Variants in RIMS1 observed in about 807,000 individuals in gnomAD.
RIMS1 encodes regulating synaptic membrane exocytosis 1, also known as regulating synaptic membrane exocytosis protein 1.
In RIMS1, 83 loss-of-function variants were observed where a neutral mutation model predicts 214.1. The observed-to-expected ratio is 0.39, with a 90% confidence interval of 0.32 to 0.47. The LOEUF is 0.47. RIMS1 is among the 20% of genes least tolerant of loss of function. The probability of loss-of-function intolerance (pLI) is 0.99; values close to 1 mark genes in which losing one functional copy is unlikely to be tolerated. For synonymous variants in RIMS1, 793 were observed against 786.8 expected, an observed-to-expected ratio of 1.01 and a Z score of -0.13; for missense variants, 2,050 against 2,161.8, an observed-to-expected ratio of 0.95 and a Z score of 1.03.
At position 72,237,019 on chromosome 6, in the gene RIMS1, C is replaced by T. The variant is rs145465820; in HGVS notation, c.1858-804C>T. Among the ~76,000 whole-genome samples, 17 of 151,926 alleles carry T rather than the reference C, an allele frequency of 1.1e-4. No homozygotes were observed. The East Asian group carries it at 2.1e-3, about 19-fold the overall frequency. On this transcript the variant is annotated intron_variant, in intron 8 of 33. Transcript: ENST00000521978. Reference sequence around the variant, plus strand: ...TTAGGAACCAGCCTGGTCAACATAGCGAGACCCCTTCTCTACAAAATTAAA... The same window carrying T: ...TTAGGAACCAGCCTGGTCAACATAGTGAGACCCCTTCTCTACAAAATTAAA...
At chr6:72,062,903 C>T (rs1828266003) in intron 2 of RIMS1, among the ~76,000 whole-genome samples, 1 of 152,046 alleles carries the variant, frequency 6.6e-6, no homozygotes, top group South Asian at 2.1e-4. Context: ...GCCAAATTTC[C>T]CCTTTTCATA....
At chr6:72,123,741 T>G (rs1262228356) in intron 4 of RIMS1, among the ~76,000 whole-genome samples, 1 of 151,848 alleles carries the variant, frequency 6.6e-6, no homozygotes, top group East Asian at 1.9e-4. Context: ...CTTCTTTGTC[T>G]CTTTTGATCT....
intron 2 of RIMS1, among the ~76,000 whole-genome samples, chr6:72,015,129 A>G (rs1812260690): frequency 6.6e-6 from 1 of 152,172 alleles, no homozygotes; most frequent in East Asian, 1.9e-4. Flanking sequence ...GAAATTATTT[A>G]TATTTCATAT....
intron 2 of RIMS1, among the ~76,000 whole-genome samples, chr6:72,056,638 G>C (rs565738961): frequency 9.2e-5 from 14 of 152,208 alleles, no homozygotes; most frequent in South Asian, 6.2e-4. Flanking sequence ...CCAGCCCTAT[G>C]AGTGCTGCAT....
chr6:72,389,168 G>A (rs1018300322), intron 29 of RIMS1, among the ~76,000 whole-genome samples: 1 of 152,148 alleles, frequency 6.6e-6, no homozygotes, highest in East Asian at 1.9e-4. Context: ...CAATGTCAAA[G>A]AAGGAAAAAC....
chr6:72,390,485 G>T, intron 29 of RIMS1, 113 bp from the exon 30 acceptor site: 1 of 1,220,456 alleles, frequency 8.2e-7, no homozygotes, highest in Non-Finnish European at 1.1e-6. Flanking sequence ...CTATTTTTCT[G>T]ATTAAATTTG....
chr6:71,977,103 A>C (rs1346995604), intron 2 of RIMS1, among the ~76,000 whole-genome samples: 1 of 152,166 alleles, frequency 6.6e-6, no homozygotes, highest in Non-Finnish European at 1.5e-5. Flanking sequence ...TGGATAATCC[A>C]CTTGTAGACT....
intron 28 of RIMS1, among the ~76,000 whole-genome samples, chr6:72,324,438 C>T (rs2096353157): frequency 6.6e-6 from 1 of 151,734 alleles, no homozygotes; most frequent in African/African-American, 2.4e-5. Flanking sequence ...GAATGCACAA[C>T]TCAGATGCTA....
intron 6 of RIMS1, among the ~76,000 whole-genome samples, chr6:72,227,984 A>T (rs1320486504): frequency 6.6e-6 from 1 of 151,904 alleles, no homozygotes; most frequent in Non-Finnish European, 1.5e-5. Flanking sequence ...TTTAAAAACC[A>T]CTTCACTGAG....
chr6:71,975,836 A>ATATC (rs1476252659), intron 2 of RIMS1, among the ~76,000 whole-genome samples: 6 of 151,756 alleles, frequency 4.0e-5, no homozygotes, highest in African/African-American at 1.4e-4. Flanking sequence ...GTGTCTGTTT[A>ATATC]TATCTGGCTT....
At chr6:72,372,563 A>G (rs1195388253) in intron 29 of RIMS1, among the ~76,000 whole-genome samples, 1 of 152,216 alleles carries the variant, frequency 6.6e-6, no homozygotes, top group African/African-American at 2.4e-5. Context: ...AGCCAAAATC[A>G]ATTTACCAAG....
At position 72,069,826 on chromosome 6, in the gene RIMS1, A is replaced by G. The variant is rs116935651; in HGVS notation, c.246-27123A>G. On this transcript the variant is annotated intron_variant, in intron 2 of 33. Transcript: ENST00000521978. ...CACTACAGCAGTCAAGACCACTCCTATCCATGCAAGCATTCTTGGTTTTGT... is the reference window on the plus strand; with the variant it reads ...CACTACAGCAGTCAAGACCACTCCTGTCCATGCAAGCATTCTTGGTTTTGT... 2.2e-4 allele frequency among the ~76,000 whole-genome samples: 34 copies of G among 152,284 alleles called. 1 individual carries two copies. In the East Asian group the frequency reaches 6.6e-3, roughly 29 times the overall value.
At chr6:71,908,672 C>T (rs1222893836) in intron 1 of RIMS1, among the ~76,000 whole-genome samples, 3 of 152,170 alleles carry the variant, frequency 2.0e-5, no homozygotes, top group Non-Finnish European at 2.9e-5. Flanking sequence ...GAGGATGCTG[C>T]GTTGGCAGCA....
chr6:72,297,466 G>A (rs890967675), intron 26 of RIMS1, among the ~76,000 whole-genome samples: 4 of 151,952 alleles, frequency 2.6e-5, no homozygotes, highest in Admixed American at 1.3e-4. Context: ...CTAGGCAAAA[G>A]CTGTACCTAG....
chr6:72,084,648 C>G (rs1393525223), intron 2 of RIMS1, among the ~76,000 whole-genome samples: 1 of 152,146 alleles, frequency 6.6e-6, no homozygotes, highest in African/African-American at 2.4e-5. Flanking sequence ...AGTGGGCCTC[C>G]ATGTCCTCAG....
intron 4 of RIMS1, among the ~76,000 whole-genome samples, chr6:72,176,947 T>C (rs905329040): frequency 6.6e-6 from 1 of 152,190 alleles, no homozygotes; most frequent in African/African-American, 2.4e-5. Context: ...TACTCAAAAT[T>C]TGGAACATGC....
intron 22 of RIMS1, among the ~76,000 whole-genome samples, chr6:72,268,920 C>A (rs2154181361): frequency 6.6e-6 from 1 of 152,226 alleles, no homozygotes; most frequent in South Asian, 2.1e-4. Flanking sequence ...TCCCTTGCTT[C>A]CCTGATTGGC....
intron 26 of RIMS1, among the ~76,000 whole-genome samples, chr6:72,299,964 A>G (rs1358147042): frequency 6.6e-6 from 1 of 151,776 alleles, no homozygotes; most frequent in African/African-American, 2.4e-5. Context: ...AGATTTCAAA[A>G]ATACAAGTTT....
intron 29 of RIMS1, among the ~76,000 whole-genome samples, chr6:72,364,443 C>A (rs79535623): frequency 6.6e-6 from 1 of 152,256 alleles, no homozygotes; most frequent in Admixed American, 6.5e-5. Flanking sequence ...AAATGTGAAT[C>A]GTTTATAGTC....
Sources: gnomAD v4.1 joint callset for allele counts (sites outside exome capture counted in the v4.1 genomes callset) on GRCh38, gnomAD v4.1.1 for gene constraint, MANE v1.5 for transcripts, NCBI Gene and HGNC (gene_info 2026-07-23, HGNC 2026-07-21) for gene names.